The following C4orf50 variants were observed in gnomAD, a reference collection of about 807,000 sequenced individuals.
C4orf50 encodes the protein chromosome 4 open reading frame 50.
Under a neutral mutation model 77.2 loss-of-function variants are expected in C4orf50, and 80 were observed. The observed-to-expected ratio is 1.04, with a 90% CI of 0.87 to 1.25. The LOEUF is 1.25. C4orf50 is among the 50% of genes most tolerant of loss of function. The pLI, the probability that C4orf50 is intolerant of heterozygous loss-of-function variation, is 0.00. For missense variants in C4orf50, 1,257 were observed against 1,152.9 expected, an observed-to-expected ratio of 1.09 and a Z score of -1.31; for synonymous variants, 532 against 465.3, an observed-to-expected ratio of 1.14 and a Z score of -1.84.
intron 7 of C4orf50, among the ~76,000 whole-genome samples, chr4:5,943,745 A>C (rs991380015): frequency 6.6e-6 from 1 of 152,228 alleles, no homozygotes; most frequent in Non-Finnish European, 1.5e-5. Flanking sequence ...CAAGGACAGG[A>C]AATTGAGAAC....
chr4:5,909,462 T>G (rs1716698952), intron 7 of C4orf50, among the ~76,000 whole-genome samples: 1 of 152,250 alleles, frequency 6.6e-6, no homozygotes, highest in African/African-American at 2.4e-5. Flanking sequence ...CTATAGATTG[T>G]CTCTTTACTC....
chr4:5,948,623 C>T (rs932861926), intron 7 of C4orf50, among the ~76,000 whole-genome samples: 1 of 152,084 alleles, frequency 6.6e-6, no homozygotes, highest in Non-Finnish European at 1.5e-5. Context: ...AGTGAAATCC[C>T]GTCTCTAATA....
chr4:6,007,859 G>C lies in C4orf50; in HGVS notation c.963+137C>G. On this transcript the variant is annotated intron_variant, in intron 25 of 33. Coordinates refer to ENST00000531445, the Ensembl canonical transcript of C4orf50. The surrounding 1 kb of genome is among the most constrained non-coding windows in gnomAD (Gnocchi z 4.1). The stretch of plus-strand genomic sequence containing the variant: ...GAGGTGAGTAGATGCAGTGAAGGAC[G>C]ATGGACAGGGCTGGCAGGGTTAAAC... The C allele has an allele frequency of 2.5e-6, 1 of 397,640 alleles. No individual in the cohort carries two copies. Among genetic ancestry groups the C allele is most frequent in the Non-Finnish European group, 4.4e-6 (1 of 225,944 alleles). The allele number at this position is 397,640 out of a possible 1,614,324, so 24.6% of individuals were successfully genotyped here.
Position 5,900,377 on chromosome 4 carries a change from G to A in C4orf50, c.*2475-2189C>T, listed in dbSNP as rs566780415. On this transcript the variant is annotated intron_variant, in intron 7 of 7. Coordinates refer to the C4orf50 transcript ENST00000324058. The surrounding 1 kb of genome is among the most constrained non-coding windows in gnomAD (Gnocchi z 4.3). ...GCTTTGGTGCTTGATTTCACACCGA[G>A]AAACTAGGTAAGGAAGGCTACGGAA... The A allele has an allele frequency of 1.3e-4, 20 of 152,072 alleles. No homozygotes were observed. The highest frequency in any genetic ancestry group is 4.6e-4 in the African/African-American group (19 of 41,456). The allele number at this position is 152,072 out of a possible 1,614,324, so 9.4% of individuals were successfully genotyped here.
chr4:5,979,669 G>A (rs1720464523), intron 29 of C4orf50, among the ~76,000 whole-genome samples: 1 of 152,230 alleles, frequency 6.6e-6, no homozygotes, highest in Non-Finnish European at 1.5e-5. Flanking sequence ...GGGCTGGAGT[G>A]TACCTTGAAC....
At chr4:5,995,130 CA>C (rs1721508593) in intron 25 of C4orf50, among the ~76,000 whole-genome samples, 1 of 152,122 alleles carries the variant, frequency 6.6e-6, no homozygotes, top group Non-Finnish European at 1.5e-5. Flanking sequence ...CAAAGGCTCC[CA>C]GCTCCACCCT....
downstream of C4orf50, among the ~76,000 whole-genome samples, chr4:5,956,119 A>C (rs1483146257): frequency 6.6e-6 from 1 of 152,198 alleles, no homozygotes; most frequent in African/African-American, 2.4e-5. Context: ...CATTGTGGGA[A>C]CATCAGAAAG....
chr4:5,928,371 C>CACACACAT (rs1717614182), intron 7 of C4orf50, among the ~76,000 whole-genome samples: 1 of 148,890 alleles, frequency 6.7e-6, no homozygotes, highest in Non-Finnish European at 1.5e-5. Context: ...CATACACACA[C>CACACACAT]ACACACATAC....
intron 7 of C4orf50, among the ~76,000 whole-genome samples, chr4:5,924,135 T>C (rs1365729823): frequency 2.0e-5 from 3 of 152,218 alleles, no homozygotes; most frequent in African/African-American, 4.8e-5. Context: ...GTTTTGGGAC[T>C]CAGACTGGCT....
At chr4:5,914,519 T>C (rs1216188720) in intron 7 of C4orf50, among the ~76,000 whole-genome samples, 1 of 152,180 alleles carries the variant, frequency 6.6e-6, no homozygotes, top group African/African-American at 2.4e-5. Flanking sequence ...TGGGTTTTAA[T>C]GTTTTCTTAA....
At chr4:5,938,565 C>G (rs1287035763) in intron 7 of C4orf50, among the ~76,000 whole-genome samples, 1 of 139,542 alleles carries the variant, frequency 7.2e-6, no homozygotes, top group African/African-American at 2.6e-5. Context: ...AATCAGTTTA[C>G]TAGGTCCCTT....
intron 7 of C4orf50, among the ~76,000 whole-genome samples, chr4:5,940,680 G>A (rs1287037056): frequency 3.3e-5 from 5 of 152,174 alleles, no homozygotes; most frequent in Non-Finnish European, 5.9e-5. Flanking sequence ...CCAGCTAGAG[G>A]TGGAGTCTGG....
chr4:5,902,620 C>T (rs963779120), intron 7 of C4orf50: 21 of 152,104 alleles, frequency 1.4e-4, no homozygotes, highest in Admixed American at 1.3e-3. Flanking sequence ...TTGTAATAGC[C>T]CAGTGGGGAA....
At chr4:5,940,962 T>C (rs1005619703) in intron 7 of C4orf50, among the ~76,000 whole-genome samples, 1 of 152,140 alleles carries the variant, frequency 6.6e-6, no homozygotes, top group East Asian at 1.9e-4. Context: ...CCTAGACTAC[T>C]CAGCCCCAGT....
At chr4:5,994,212 C>T (rs897026414) in intron 26 of C4orf50, 135 bp downstream of exon 4, 20 of 395,348 alleles carry the variant, frequency 5.1e-5, no homozygotes, top group African/African-American at 3.7e-4. Flanking sequence ...CTCTCTGAGC[C>T]TCGATTCTTG....
chr4:5,919,085 C>T lies in C4orf50; in HGVS notation c.*2475-20897G>A, dbSNP rs986380710. ...TGCTATGGCTCCTGGTTGGGACAGA[C>T]GTGGCTCCCTCTTTCCCAGGTGGGA... On this transcript the variant is annotated intron_variant, in intron 7 of 7. Transcript: ENST00000324058. This position sits in a 1 kb window ranked among gnomAD's most constrained non-coding sequence, Gnocchi z 6.5. 9.2e-5 allele frequency among the ~76,000 whole-genome samples: 14 copies of T among 152,250 alleles called. No individual in the cohort carries two copies. Among genetic ancestry groups the T allele is most frequent in the Admixed American group, 6.5e-4 (10 of 15,292 alleles).
chr4:5,968,525 T>C (rs1462029712), intron 31 of C4orf50, among the ~76,000 whole-genome samples: 1 of 152,200 alleles, frequency 6.6e-6, no homozygotes, highest in Admixed American at 6.5e-5. Context: ...CTTTCGACAC[T>C]GTTGTGTCTT....
chr4:5,959,739 G>A (rs1307619177), intron 33 of C4orf50, 113 bp from the exon 12 acceptor site: 40 of 1,322,990 alleles, frequency 3.0e-5, no homozygotes, highest in Non-Finnish European at 3.5e-5. Flanking sequence ...CGGTTTCGGG[G>A]CACTTTCTGT....
rs562789566 is a variant in C4orf50, at chr4:5,998,089, T to C, written c.964-3613A>G. 2.0e-5 allele frequency among the ~76,000 whole-genome samples: 3 copies of C among 152,318 alleles called. No individual in the cohort carries two copies. In the South Asian group the frequency reaches 6.2e-4, roughly 32 times the overall value. Reference sequence around the variant, plus strand: ...GGCTGAGACTCAGGCATAAACCTTTTTTAAAGGCATTTAATACTTACTGCT... The same window carrying C: ...GGCTGAGACTCAGGCATAAACCTTTCTTAAAGGCATTTAATACTTACTGCT... On this transcript the variant is annotated intron_variant, in intron 25 of 33. Coordinates refer to ENST00000531445, the Ensembl canonical transcript of C4orf50.
Sources: allele counts gnomAD v4.1 joint callset (sites outside exome capture counted in the v4.1 genomes callset), GRCh38; gene constraint gnomAD v4.1.1; non-coding constraint Gnocchi (gnomAD v3.1); transcripts MANE v1.5; gene names NCBI Gene and HGNC (gene_info 2026-07-23, HGNC 2026-07-21).